NRP2: variants seen among roughly 807,000 people sequenced by gnomAD.
The protein encoded by NRP2 is neuropilin-2.
Under a neutral mutation model 110.4 loss-of-function variants are expected in NRP2, and 52 were observed. The observed-to-expected ratio is 0.47, with a 90% CI of 0.38 to 0.59. The LOEUF (loss-of-function observed/expected upper bound fraction) is 0.59. Ranked by LOEUF, NRP2 falls within the 20% of genes least tolerant of loss-of-function variation. The probability of loss-of-function intolerance (pLI) is 0.00; values close to 1 mark genes in which losing one functional copy is unlikely to be tolerated. For missense variants in NRP2, 1,049 were observed against 1,203.0 expected (o/e 0.87, Z 1.89); for synonymous variants, 508 against 468.9 (o/e 1.08, Z -1.08).
chr2:205,782,418 T>C (rs2058185300), intron 15 of NRP2, among the ~76,000 whole-genome samples: 2 of 152,176 alleles, frequency 1.3e-5, no homozygotes, highest in Admixed American at 6.5e-5. Context: ...GGAGACTTTA[T>C]AGTAACTGGC....
chr2:205,745,412 A>G (rs570263256), intron 9 of NRP2, among the ~76,000 whole-genome samples: 1 of 152,240 alleles, frequency 6.6e-6, no homozygotes, highest in East Asian at 1.9e-4. Context: ...CCCCCTCTCT[A>G]GCCAAAGTCA....
chr2:205,686,777 C>A lies in NRP2; in HGVS notation c.73+3414C>A, dbSNP rs1044021838. ...TCTTCTAAAAGATAGGAGATCCACG[C>A]TCAGGTTTATTGGCGTGTGCTCCCT... is the stretch of plus-strand genomic sequence containing the variant. On this transcript the variant is annotated intron_variant, in intron 1 of 16. Coordinates refer to ENST00000357785, the MANE Select transcript of NRP2 (RefSeq NM_003872.3). The surrounding 1 kb of genome is among the most constrained non-coding windows in gnomAD (Gnocchi z 4.7). Among the ~76,000 whole-genome samples, 2 of 152,180 alleles carry A rather than the reference C, an allele frequency of 1.3e-5. No individual in the cohort carries two copies. Among genetic ancestry groups the A allele is most frequent in the Non-Finnish European group, 2.9e-5 (2 of 68,026 alleles).
chr2:205,729,127 T>C (rs2057187011), intron 7 of NRP2, among the ~76,000 whole-genome samples: 1 of 152,204 alleles, frequency 6.6e-6, no homozygotes, highest in African/African-American at 2.4e-5. Context: ...CTCTGACTGG[T>C]GCAGCTGGAA....
At chr2:205,772,545 G>T (rs1314379915) in intron 15 of NRP2, among the ~76,000 whole-genome samples, 5 of 152,330 alleles carry the variant, frequency 3.3e-5, no homozygotes, top group African/African-American at 9.6e-5. Flanking sequence ...GGAAAACTTT[G>T]TAGAGAATCT....
Position 205,715,421 on chromosome 2 carries a change from C to T in NRP2, c.252-772C>T, listed in dbSNP as rs139383132. Among the ~76,000 whole-genome samples, 490 of 152,270 alleles carry T rather than the reference C, an allele frequency of 3.2e-3. 1 individual carries two copies. The highest frequency in any genetic ancestry group is 5.2e-3 in the South Asian group (25 of 4,822). ...TCACTGAGGCTAATAGTTGTGTGCA[C>T]GTAGACAGTGGGCCCCTGGAGACTC... is the stretch of plus-strand genomic sequence containing the variant. On this transcript the variant is annotated intron_variant, in intron 2 of 16. Transcript: ENST00000357785.
chr2:205,722,762 C>T (rs1212442389), intron 4 of NRP2, 54 bp downstream of exon 4: 1 of 1,423,294 alleles, frequency 7.0e-7, no homozygotes, highest in Non-Finnish European at 9.9e-7. Flanking sequence ...CTGTTAATTG[C>T]TTTAGTGATG....
intron 15 of NRP2, among the ~76,000 whole-genome samples, chr2:205,787,254 G>T (rs2058245639): frequency 6.6e-6 from 1 of 152,084 alleles, no homozygotes; most frequent in Non-Finnish European, 1.5e-5. Flanking sequence ...CACATCCCAC[G>T]CCGCTTCCTT....
Position 205,797,378 on chromosome 2 carries a change from AG to A in NRP2, c.*2324del, listed in dbSNP as rs1175130444. The A allele has an allele frequency of 6.6e-6, 1 of 152,326 alleles. No individual in the cohort carries two copies. The highest frequency in any genetic ancestry group is 6.5e-5 in the Admixed American group (1 of 15,282). 9.4% of individuals were successfully genotyped at this position (152,326 alleles called of 1,614,324 possible). On this transcript the variant is annotated 3_prime_UTR_variant, in exon 17 of 17. Transcript: ENST00000357785. ...AGAAGGTAAGTTTGAAAGCCACTCC[AG>A]GGGTCCTGATGCTGTCATGCTCAGT... is the stretch of plus-strand genomic sequence containing the variant.
At chr2:205,732,166 G>A (rs1299313150) in intron 7 of NRP2, among the ~76,000 whole-genome samples, 1 of 152,166 alleles carries the variant, frequency 6.6e-6, no homozygotes. Context: ...TCTGCATGCA[G>A]GATGAGCCTG....
intron 2 of NRP2, among the ~76,000 whole-genome samples, chr2:205,711,694 C>T: frequency 6.6e-6 from 1 of 152,164 alleles, no homozygotes; most frequent in East Asian, 1.9e-4. Flanking sequence ...GATACGTAGA[C>T]CCAAAAGAAG....
intron 1 of NRP2, among the ~76,000 whole-genome samples, chr2:205,683,870 G>A (rs948065086): frequency 2.0e-5 from 3 of 152,152 alleles, no homozygotes; most frequent in Non-Finnish European, 4.4e-5. Context: ...GAGAATGACT[G>A]GTTATGCTTC....
Position 205,796,426 on chromosome 2 carries a change from G to C in NRP2, c.*1368G>C, listed in dbSNP as rs773908417. 1 of 152,204 alleles carries C rather than the reference G, an allele frequency of 6.6e-6. No homozygotes were observed. The highest frequency in any genetic ancestry group is 2.4e-5 in the African/African-American group (1 of 41,292). 9.4% of individuals were successfully genotyped at this position (152,204 alleles called of 1,614,324 possible). Reference sequence around the variant, plus strand: ...TGCACACACGCATACACACATGCACGCACACACACATACACACATGCACGC... The same window carrying C: ...TGCACACACGCATACACACATGCACCCACACACACATACACACATGCACGC... On this transcript the variant is annotated 3_prime_UTR_variant, in exon 17 of 17. Transcript: ENST00000357785.
Position 205,794,910 on chromosome 2 carries a change from G to C in NRP2, c.2633G>C (p.Cys878Ser). 6.2e-7 allele frequency: 1 copy of C among 1,614,150 alleles called. No homozygotes were observed. The highest frequency in any genetic ancestry group is 8.5e-7 in the Non-Finnish European group (1 of 1,180,030). ...CTGGGCGTCCTCCTGGGGGCCACCT[G>C]TGCAGGCCTCCTGCTCTACTGCACC... The part of the protein sequence containing the change: ...SSLGVLLGAT[C>S]AGLLLYCTCS... Residue 878 changes from cysteine to serine, a missense_variant, in exon 17 of 17, where the codon TGT becomes TCT. Coordinates refer to ENST00000357785, the MANE Select transcript of NRP2 (RefSeq NM_003872.3).
chr2:205,772,120 A>G (rs1476849633), intron 15 of NRP2, among the ~76,000 whole-genome samples: 2 of 152,216 alleles, frequency 1.3e-5, no homozygotes, highest in African/African-American at 4.8e-5. Context: ...TTATCCTCCA[A>G]GTGAAACCAG....
At chr2:205,782,055 C>T (rs969559698) in intron 15 of NRP2, among the ~76,000 whole-genome samples, 5 of 138,128 alleles carry the variant, frequency 3.6e-5, no homozygotes, top group South Asian at 3.2e-4. Context: ...TTTGGGAAAT[C>T]GCCAAGAGCA....
intron 1 of NRP2, among the ~76,000 whole-genome samples, chr2:205,693,083 AAG>A (rs1365203659): frequency 6.6e-6 from 1 of 152,248 alleles, no homozygotes; most frequent in Admixed American, 6.5e-5. Flanking sequence ...AAGTAGAAGA[AAG>A]AGTTTCTTCT....
chr2:205,778,754 A>T (rs1393679852), intron 15 of NRP2: 1 of 152,178 alleles, frequency 6.6e-6, no homozygotes, highest in Non-Finnish European at 1.5e-5. Flanking sequence ...CAACTTTGTG[A>T]ACTTTCTATA....
intron 2 of NRP2, among the ~76,000 whole-genome samples, chr2:205,709,038 C>T (rs1004952796): frequency 6.6e-6 from 1 of 152,196 alleles, no homozygotes; most frequent in African/African-American, 2.4e-5. Context: ...ACTGTGCTGA[C>T]CCATTGATAT....
chr2:205,774,157 G>A (rs746024916), intron 15 of NRP2, among the ~76,000 whole-genome samples: 43 of 152,194 alleles, frequency 2.8e-4, no homozygotes, highest in Non-Finnish European at 4.0e-4. Context: ...TGGTTGCCAG[G>A]CAGCAGATCC....
Sources: allele counts gnomAD v4.1 joint callset (sites outside exome capture counted in the v4.1 genomes callset), GRCh38; gene constraint gnomAD v4.1.1; non-coding constraint Gnocchi (gnomAD v3.1); transcripts MANE v1.5; gene names NCBI Gene and HGNC (gene_info 2026-07-23, HGNC 2026-07-21).